Variants in RBPMS observed in about 807,000 individuals in gnomAD.
RBPMS encodes RNA-binding protein with multiple splicing.
Under a neutral mutation model 26.8 loss-of-function variants are expected in RBPMS, and 7 were observed. That is an observed-to-expected ratio of 0.26 (90% CI 0.15 to 0.49). The LOEUF is 0.49. Ranked by LOEUF, RBPMS falls within the 20% of genes least tolerant of loss-of-function variation. The pLI is 0.98. For missense variants in RBPMS, 186 were observed against 250.0 expected (o/e 0.74, Z 1.73); for synonymous variants, 96 against 93.3 (o/e 1.03, Z -0.17).
intron 6 of RBPMS, among the ~76,000 whole-genome samples, chr8:30,546,128 A>T (rs1040501491): frequency 6.6e-6 from 1 of 152,200 alleles, no homozygotes; most frequent in Admixed American, 6.5e-5. Context: ...TGTGGATGAC[A>T]TGGGGCAACT....
chr8:30,410,475 C>T lies in RBPMS; in HGVS notation c.66+25317C>T, dbSNP rs183338941. 2.1e-4 allele frequency among the ~76,000 whole-genome samples: 32 copies of T among 151,896 alleles called. No individual in the cohort carries two copies. In the East Asian group the frequency reaches 2.9e-3, roughly 14 times the overall value. ...TGCCCCCCTCGGCCTCCCAAAGTGC[C>T]GGGACTACAGACAAGAGCCACCGTG... On this transcript the variant is annotated intron_variant, in intron 1 of 8. Transcript: ENST00000397323.
chr8:30,446,843 GCGC>G (rs1813889140), intron 1 of RBPMS: 1 of 57,868 alleles, frequency 1.7e-5, no homozygotes, highest in African/African-American at 9.5e-5. Flanking sequence ...GTGTGTGTGT[GCGC>G]GCGCGCGCGC....
chr8:30,469,415 G>A (rs969254131), intron 1 of RBPMS, among the ~76,000 whole-genome samples: 1 of 152,248 alleles, frequency 6.6e-6, no homozygotes, highest in Non-Finnish European at 1.5e-5. Context: ...TGTAGCCTCT[G>A]CAGGAATGCT....
At chr8:30,481,698 G>T (rs531626041) in intron 4 of RBPMS, among the ~76,000 whole-genome samples, 1 of 152,144 alleles carries the variant, frequency 6.6e-6, no homozygotes, top group Non-Finnish European at 1.5e-5. Flanking sequence ...GGGAAAATTC[G>T]TATTTACCTA....
chr8:30,472,548 T>A (rs1405390416), intron 1 of RBPMS, among the ~76,000 whole-genome samples: 1 of 152,234 alleles, frequency 6.6e-6, no homozygotes, highest in African/African-American at 2.4e-5. Flanking sequence ...ACATCACATA[T>A]TTCAAGATGT....
chr8:30,538,428 T>C (rs1218803597), intron 5 of RBPMS, among the ~76,000 whole-genome samples: 1 of 152,108 alleles, frequency 6.6e-6, no homozygotes, highest in African/African-American at 2.4e-5. Context: ...CTAATTTTTG[T>C]ATCTTTAGTA....
intron 1 of RBPMS, among the ~76,000 whole-genome samples, chr8:30,450,615 T>C (rs1188528523): frequency 6.6e-6 from 1 of 152,134 alleles, no homozygotes; most frequent in Non-Finnish European, 1.5e-5. Flanking sequence ...TTGGAATTCA[T>C]GACACTTGAA....
At chr8:30,490,467 CT>C (rs150058230) in intron 4 of RBPMS, among the ~76,000 whole-genome samples, 25 of 149,528 alleles carry the variant, frequency 1.7e-4, no homozygotes, top group Non-Finnish European at 2.4e-4. Context: ...TTATTGTTGT[CT>C]TTTTTTTTTG....
chr8:30,386,485 G>A (rs887209656), intron 1 of RBPMS, among the ~76,000 whole-genome samples: 2 of 152,124 alleles, frequency 1.3e-5, no homozygotes, highest in East Asian at 3.8e-4. Flanking sequence ...TTCACCCGAG[G>A]ACATTTTCTA....
intron 1 of RBPMS, among the ~76,000 whole-genome samples, chr8:30,413,115 G>A (rs1158926817): frequency 6.6e-6 from 1 of 152,224 alleles, no homozygotes; most frequent in Non-Finnish European, 1.5e-5. Flanking sequence ...GCCTTGCTCT[G>A]TTGCCCAGGC....
chr8:30,471,994 A>G (rs777710601), intron 1 of RBPMS, among the ~76,000 whole-genome samples: 3 of 152,188 alleles, frequency 2.0e-5, no homozygotes, highest in Non-Finnish European at 4.4e-5. Flanking sequence ...GAAACATAAG[A>G]CAAGGAATTG....
At chr8:30,444,191 C>T (rs948835022) in intron 1 of RBPMS, among the ~76,000 whole-genome samples, 5 of 152,220 alleles carry the variant, frequency 3.3e-5, no homozygotes, top group Non-Finnish European at 5.9e-5. Context: ...CCACCACACC[C>T]TGCCTCTTTC....
At chr8:30,518,692 T>TTTTTTTTTG (rs1184043625) in intron 5 of RBPMS, among the ~76,000 whole-genome samples, 1 of 113,146 alleles carries the variant, frequency 8.8e-6, no homozygotes, top group Non-Finnish European at 1.8e-5. Flanking sequence ...CATGACTTTT[T>TTTTTTTTTG]TTTTTTTTTT....
chr8:30,393,285 C>T (rs1808006876), intron 1 of RBPMS, among the ~76,000 whole-genome samples: 5 of 151,346 alleles, frequency 3.3e-5, no homozygotes. Context: ...TGTTTATAAA[C>T]CTCCCAAACT....
At chr8:30,390,951 C>T (rs1362799552) in intron 1 of RBPMS, among the ~76,000 whole-genome samples, 2 of 152,172 alleles carry the variant, frequency 1.3e-5, no homozygotes, top group African/African-American at 2.4e-5. Flanking sequence ...AGCAGCCACT[C>T]GTTTAATATT....
chr8:30,507,949 T>C (rs1821229225), intron 5 of RBPMS, among the ~76,000 whole-genome samples: 1 of 152,338 alleles, frequency 6.6e-6, no homozygotes, highest in Non-Finnish European at 1.5e-5. Context: ...GTAACTTTCC[T>C]GAGTTAACAC....
intron 1 of RBPMS, among the ~76,000 whole-genome samples, chr8:30,455,847 G>A (rs1038512151): frequency 1.3e-5 from 2 of 152,106 alleles, no homozygotes; most frequent in Non-Finnish European, 2.9e-5. Context: ...CTGAGATCAC[G>A]CCACTGCACT....
intron 4 of RBPMS, among the ~76,000 whole-genome samples, chr8:30,500,189 C>T (rs1820401588): frequency 6.6e-6 from 1 of 152,054 alleles, no homozygotes; most frequent in Non-Finnish European, 1.5e-5. Flanking sequence ...AGTCTGTGCC[C>T]TCTCTCACCC....
chr8:30,392,445 C>T (rs1807893981), intron 1 of RBPMS, among the ~76,000 whole-genome samples: 1 of 152,098 alleles, frequency 6.6e-6, no homozygotes. Flanking sequence ...GGGGCACTGG[C>T]CCACAGTGGG....
Sources: allele counts gnomAD v4.1 joint callset (sites outside exome capture counted in the v4.1 genomes callset), GRCh38; gene constraint gnomAD v4.1.1; transcripts MANE v1.5; gene names NCBI Gene and HGNC (gene_info 2026-07-23, HGNC 2026-07-21).